RNF20: variants seen among roughly 807,000 people sequenced by gnomAD.
RNF20 encodes the protein E3 ubiquitin-protein ligase BRE1A.
In RNF20, 84 loss-of-function variants were observed where a neutral mutation model predicts 126.2. The ratio of observed to expected loss-of-function variants is 0.67; its 90% CI spans 0.56 to 0.80. The LOEUF (loss-of-function observed/expected upper bound fraction) is 0.80. RNF20 is among the 30% of genes least tolerant of loss of function. The probability of loss-of-function intolerance (pLI) is 0.00; values close to 1 mark genes in which losing one functional copy is unlikely to be tolerated. For missense variants in RNF20, 869 were observed against 1,188.2 expected (o/e 0.73, Z 3.95); for synonymous variants, 400 against 414.3 (o/e 0.97, Z 0.42).
In RNF20 at chr9:101,550,609, G is replaced by T; in HGVS notation, c.1096G>T (p.Glu366Ter). 1 of 1,613,546 alleles carries T rather than the reference G, an allele frequency of 6.2e-7. No individual in the cohort carries two copies. Among genetic ancestry groups the T allele is most frequent in the South Asian group, 1.1e-5 (1 of 91,038 alleles). Reference sequence around the variant, plus strand: ...CTTTGCTTTGGGCCCTCCTAAGGTGGAATTGCGGAGTGCAGTGGAGCAAGT... The same window carrying T: ...CTTTGCTTTGGGCCCTCCTAAGGTGTAATTGCGGAGTGCAGTGGAGCAAGT... Reference protein sequence around the residue: ...VTTQNEKLKVELRSAVEQVVK... With the variant: ...VTTQNEKLKV Residue 366 changes from glutamate (E) to a stop codon, truncating the protein, a stop_gained, in exon 10 of 20, where the codon GAA (glutamate) becomes TAA (stop). Transcript: ENST00000389120. LOFTEE classifies it high-confidence loss of function.
chr9:101,557,445 A>C lies in RNF20; in HGVS notation c.2231A>C (p.Glu744Ala). 8 of 1,614,066 alleles carry C rather than the reference A, an allele frequency of 5.0e-6. No homozygotes were observed. The highest frequency in any genetic ancestry group is 6.8e-6 in the Non-Finnish European group (8 of 1,179,952). Residue 744 changes from glutamate (E) to alanine (A), a missense_variant, in exon 16 of 20, where the codon GAG becomes GCG. Physicochemically the swap from Glu to Ala is moderately radical, Grantham distance 107. This residue lies in a region of RNF20 where 30 missense variants were observed against 75.2 expected (regional missense o/e 0.40). Coordinates refer to ENST00000389120, the MANE Select transcript of RNF20 (RefSeq NM_019592.7). ...VTGQAFEDMQ[E>A]QNIRLMQQLR... ...GGCCAGGCCTTTGAAGACATGCAGG[A>C]GCAAAATATCCGTTTGATGCAGCAA...
chr9:101,550,807 T>C lies in RNF20; in HGVS notation c.1272+22T>C, dbSNP rs755618267. On this transcript the variant is annotated intron_variant, in intron 10 of 19. Transcript: ENST00000389120. The stretch of plus-strand genomic sequence containing the variant: ...TGAGGTAATAGCCTTGCCTTGTCTT[T>C]TGTATGTAAGCTTTCTTGCCTCCTA... 4.3e-6 allele frequency: 7 copies of C among 1,610,678 alleles called. No individual in the cohort carries two copies. In the Admixed American group the frequency reaches 6.7e-5, roughly 15 times the overall value.
chr9:101,534,415 T>C (rs1236734992), intron 1 of RNF20: 1 of 152,066 alleles, frequency 6.6e-6, no homozygotes, highest in East Asian at 1.9e-4. Flanking sequence ...AGAACTGAAA[T>C]TCGCACCCAG....
Position 101,540,779 on chromosome 9 carries a change from C to G in RNF20, c.446-14C>G. On this transcript the variant is annotated splice_polypyrimidine_tract_variant and intron_variant, in intron 4 of 19. Transcript: ENST00000389120. ...AATTTTGGGGGGCTTCTTTTTTTCC[C>G]CCTGTGTCCTCAGGGGAAGGGCAAG... The G allele has an allele frequency of 6.2e-7, 1 of 1,601,474 alleles. No homozygotes were observed. Among genetic ancestry groups the G allele is most frequent in the South Asian group, 1.1e-5 (1 of 89,640 alleles).
chr9:101,552,491 T>A lies in RNF20; in HGVS notation c.1639T>A (p.Ser547Thr). The A allele has an allele frequency of 6.2e-7, 1 of 1,614,082 alleles. No homozygotes were observed. The highest frequency in any genetic ancestry group is 1.1e-5 in the South Asian group (1 of 91,080). Residue 547 changes from serine (S) to threonine (T), a missense_variant, in exon 13 of 20, where the codon TCC (serine) becomes ACC (threonine). By Grantham distance (58) the Ser-to-Thr change is moderately conservative. Coordinates refer to ENST00000389120, the MANE Select transcript of RNF20 (RefSeq NM_019592.7). ...AGATTCTGAGGACTTATCCTCCCAG[T>A]CCTCAGCTTCAAAGGCATCTCAGGA... is the stretch of plus-strand genomic sequence containing the variant. ...KPDSEDLSSQ[S>T]SASKASQEDA... is the part of the protein sequence containing the mutation.
At chr9:101,544,521 C>T (rs899274514) in intron 5 of RNF20, among the ~76,000 whole-genome samples, 1 of 152,138 alleles carries the variant, frequency 6.6e-6, no homozygotes, top group African/African-American at 2.4e-5. Context: ...GCCTGTCCGA[C>T]ATGGTGAAAC....
intron 16 of RNF20, 56 bp downstream of exon 16, chr9:101,557,652 A>T: frequency 7.7e-7 from 1 of 1,300,158 alleles, no homozygotes; most frequent in Non-Finnish European, 1.1e-6. Flanking sequence ...TTTCTACATG[A>T]TGATATAAGT....
intron 5 of RNF20, among the ~76,000 whole-genome samples, chr9:101,544,350 C>T (rs1028229750): frequency 6.6e-6 from 1 of 152,196 alleles, no homozygotes; most frequent in Non-Finnish European, 1.5e-5. Flanking sequence ...GCCTTGGCTT[C>T]CCAAGGTGCT....
intron 9 of RNF20, among the ~76,000 whole-genome samples, chr9:101,548,269 G>A (rs1401489704): frequency 6.6e-6 from 1 of 152,158 alleles, no homozygotes; most frequent in Non-Finnish European, 1.5e-5. Flanking sequence ...ACTTGTATGT[G>A]GGATCTAAAA....
chr9:101,545,385 T>G (rs1827332409), intron 6 of RNF20, among the ~76,000 whole-genome samples: 1 of 152,244 alleles, frequency 6.6e-6, no homozygotes, highest in South Asian at 2.1e-4. Flanking sequence ...ATTAGTAATT[T>G]AGTAGTTGCC....
chr9:101,560,796 C>T lies in RNF20; in HGVS notation c.2383-5C>T. Reference sequence around the variant, plus strand: ...TTGTGTTAAAATCTGATTTTCTGTTCAAAGGTTGATGCCCAGCTACAGGTA... The same window carrying T: ...TTGTGTTAAAATCTGATTTTCTGTTTAAAGGTTGATGCCCAGCTACAGGTA... On this transcript the variant is annotated splice_polypyrimidine_tract_variant and splice_region_variant and intron_variant, in intron 16 of 19. Transcript: ENST00000389120. The T allele has an allele frequency of 6.3e-7, 1 of 1,596,548 alleles. No homozygotes were observed. Among genetic ancestry groups the T allele is most frequent in the Admixed American group, 1.8e-5 (1 of 55,626 alleles).
intron 9 of RNF20, among the ~76,000 whole-genome samples, 195 bp from the exon 10 acceptor site, chr9:101,550,411 G>A (rs1827423749): frequency 6.6e-6 from 1 of 152,144 alleles, no homozygotes; most frequent in Admixed American, 6.5e-5. Flanking sequence ...GTATATCCAG[G>A]TACCATCTCC....
At chr9:101,545,663 C>T (rs1001472109) in intron 6 of RNF20, among the ~76,000 whole-genome samples, 1 of 152,152 alleles carries the variant, frequency 6.6e-6, no homozygotes, top group Non-Finnish European at 1.5e-5. Flanking sequence ...TTTATTAATT[C>T]ATATGGATTA....
At chr9:101,560,648 G>A (rs1364220614) in intron 16 of RNF20, 153 bp from the exon 17 acceptor site, 2 of 546,824 alleles carry the variant, frequency 3.7e-6, no homozygotes, top group African/African-American at 1.9e-5. Flanking sequence ...AGTTATCATA[G>A]TCTTGATGTA....
chr9:101,557,614 A>G lies in RNF20; in HGVS notation c.2382+18A>G, dbSNP rs1377421932. ...AGACTCAGGTAATTAGGATGAGTAG[A>G]GCTTTCTATTCTGTTGAAATAGGGT... On this transcript the variant is annotated intron_variant, in intron 16 of 19. Coordinates refer to ENST00000389120, the MANE Select transcript of RNF20 (RefSeq NM_019592.7). 1.3e-6 allele frequency: 2 copies of G among 1,557,464 alleles called. No individual in the cohort carries two copies. The highest frequency in any genetic ancestry group is 1.8e-6 in the Non-Finnish European group (2 of 1,129,128).
At position 101,550,644 on chromosome 9, in the gene RNF20, A is replaced by G. The variant is rs750787537; in HGVS notation, c.1131A>G (p.Glu377=). Residue 377 remains glutamate, a synonymous_variant, in exon 10 of 20, where the codon GAA becomes GAG. Transcript: ENST00000389120. ...LRSAVEQVVK[E]TPEYRCMQSQ... ...GTGCAGTGGAGCAAGTCGTTAAGGA[A>G]ACTCCAGAATATCGCTGCATGCAGT... is the stretch of plus-strand genomic sequence containing the variant. 1.9e-6 allele frequency: 3 copies of G among 1,614,128 alleles called. No individual in the cohort carries two copies. The highest frequency in any genetic ancestry group is 3.3e-4 in the Middle Eastern group (2 of 6,060).
chr9:101,536,989 C>T (rs554007070), intron 2 of RNF20, among the ~76,000 whole-genome samples: 5 of 152,180 alleles, frequency 3.3e-5, no homozygotes, highest in Admixed American at 1.3e-4. Flanking sequence ...CACTGATCCC[C>T]GCTCCAATTG....
intron 15 of RNF20, among the ~76,000 whole-genome samples, chr9:101,556,973 G>T (rs988879194): frequency 6.6e-6 from 1 of 152,170 alleles, no homozygotes; most frequent in Non-Finnish European, 1.5e-5. Context: ...TTAGATACCA[G>T]TCTTCACCTA....
rs769265549 is a variant in RNF20, at chr9:101,552,547, T to TGAAGAA, written c.1699_1704dup (p.Glu567_Glu568dup). 1.7e-5 allele frequency: 27 copies of TGAAGAA among 1,612,258 alleles called. No individual in the cohort carries two copies. The highest frequency in any genetic ancestry group is 2.3e-5 in the Non-Finnish European group (27 of 1,179,456). ...CCAATGAAATCAAGTCTAAACGGGA[T>TGAAGAA]GAAGAAGAACGAGAACGAGAAAGGA... On this transcript the variant is annotated inframe_insertion, in exon 13 of 20. Transcript: ENST00000389120.
Sources: gnomAD v4.1 joint callset for allele counts (sites outside exome capture counted in the v4.1 genomes callset) on GRCh38, gnomAD v4.1.1 for gene constraint, gnomAD v4.1.1 regional missense constraint, MANE v1.5 for transcripts, NCBI Gene and HGNC (gene_info 2026-07-23, HGNC 2026-07-21) for gene names.